Variants in SEMA3E observed in about 807,000 individuals in gnomAD.
SEMA3E encodes semaphorin 3E.
SEMA3E carries 49 observed loss-of-function variants against 93.6 expected under a neutral mutation model. That is an observed-to-expected ratio of 0.52 (90% CI 0.42 to 0.66). The LOEUF (loss-of-function observed/expected upper bound fraction) is 0.66, where lower values mean the gene tolerates loss of function less well. Among genes scored for constraint, SEMA3E ranks in the 30% least tolerant of loss-of-function variants. The pLI, the probability that SEMA3E is intolerant of heterozygous loss-of-function variation, is 0.00. For missense variants in SEMA3E, 906 were observed against 964.8 expected (o/e 0.94, Z 0.81); for synonymous variants, 363 against 330.7 (o/e 1.10, Z -1.06).
At chr7:83,510,395 C>T (rs1790793020) in intron 1 of SEMA3E, among the ~76,000 whole-genome samples, 1 of 152,200 alleles carries the variant, frequency 6.6e-6, no homozygotes, top group South Asian at 2.1e-4. Flanking sequence ...GTATTGTAAG[C>T]TTCTCATATT....
chr7:83,567,368 A>G (rs1792183305), intron 1 of SEMA3E, among the ~76,000 whole-genome samples: 1 of 152,158 alleles, frequency 6.6e-6, no homozygotes, highest in Admixed American at 6.5e-5. Context: ...AAAATTAACA[A>G]TTAACTTTGG....
chr7:83,388,163 G>T (rs1046500268), intron 14 of SEMA3E, among the ~76,000 whole-genome samples: 1 of 148,170 alleles, frequency 6.7e-6, no homozygotes, highest in Non-Finnish European at 1.5e-5. Context: ...ACAAAAATTA[G>T]TCGGGCGTGG....
At chr7:83,409,758 T>C (rs1268513203) in intron 5 of SEMA3E, among the ~76,000 whole-genome samples, 1 of 151,744 alleles carries the variant, frequency 6.6e-6, no homozygotes, top group Non-Finnish European at 1.5e-5. Context: ...ACTTTATTTA[T>C]AAATTTTATT....
rs1397876383 is a variant in SEMA3E, at chr7:83,644,344, C to T, written c.115+4084G>A. ...ATCAAGATAAATCATATGTTTTATG[C>T]GATTTAAGAGCAACTTTATCCTGTC... is the stretch of plus-strand genomic sequence containing the variant. On this transcript the variant is annotated intron_variant, in intron 1 of 16. Coordinates refer to ENST00000643230, the MANE Select transcript of SEMA3E (RefSeq NM_012431.3). Among the ~76,000 whole-genome samples the T allele has an allele frequency of 5.3e-5, 8 of 151,900 alleles. No homozygotes were observed. In the East Asian group the frequency reaches 9.7e-4, roughly 18 times the overall value.
At chr7:83,471,844 C>CA (rs952280766) in intron 2 of SEMA3E, among the ~76,000 whole-genome samples, 5 of 151,920 alleles carry the variant, frequency 3.3e-5, no homozygotes, top group African/African-American at 9.7e-5. Flanking sequence ...TTGAAGGGAG[C>CA]AAAAAATCAA....
rs553811801 is a variant in SEMA3E, at chr7:83,501,836, C to T, written c.116-11562G>A. On this transcript the variant is annotated intron_variant, in intron 1 of 16. Transcript: ENST00000643230. ...TAGTTAATAATCCATCTTATAACAA[C>T]AAAGAAGCAAATTAACTAAAACTGG... Among the ~76,000 whole-genome samples, 242 of 152,230 alleles carry T rather than the reference C, an allele frequency of 1.6e-3. 2 individuals are homozygous for T. Among genetic ancestry groups the T allele is most frequent in the African/African-American group, 5.7e-3 (236 of 41,538 alleles).
At chr7:83,407,631 A>G (rs894352739) in intron 6 of SEMA3E, among the ~76,000 whole-genome samples, 7 of 152,162 alleles carry the variant, frequency 4.6e-5, no homozygotes, top group African/African-American at 1.7e-4. Flanking sequence ...GTAACATATT[A>G]AAGTAAATAA....
At chr7:83,512,756 A>G (rs1790852191) in intron 1 of SEMA3E, among the ~76,000 whole-genome samples, 1 of 152,228 alleles carries the variant, frequency 6.6e-6, no homozygotes, top group Non-Finnish European at 1.5e-5. Context: ...GATACAACGT[A>G]TATACATTGT....
chr7:83,578,550 C>T (rs1455355109), intron 1 of SEMA3E, among the ~76,000 whole-genome samples: 1 of 151,802 alleles, frequency 6.6e-6, no homozygotes, highest in African/African-American at 2.4e-5. Context: ...AGTGAGACTC[C>T]GTCTCAACAA....
intron 1 of SEMA3E, among the ~76,000 whole-genome samples, chr7:83,546,211 T>G (rs1351407789): frequency 6.7e-6 from 1 of 149,574 alleles, no homozygotes; most frequent in African/African-American, 2.5e-5. Flanking sequence ...ACACCAATAT[T>G]TACAAATCTT....
chr7:83,518,888 A>T lies in SEMA3E; in HGVS notation c.116-28614T>A, dbSNP rs980575710. Among the ~76,000 whole-genome samples, 6 of 151,788 alleles carry T rather than the reference A, an allele frequency of 4.0e-5. 1 individual carries two copies. In the South Asian group the frequency reaches 1.3e-3, roughly 32 times the overall value. ...GTTTCCCCACTTCATAGCATAATGA[A>T]ACTCCTTACTGCAGTTCTTTGTTTT... On this transcript the variant is annotated intron_variant, in intron 1 of 16. Coordinates refer to ENST00000643230, the MANE Select transcript of SEMA3E (RefSeq NM_012431.3).
intron 4 of SEMA3E, among the ~76,000 whole-genome samples, chr7:83,420,636 A>ATAGAAAT (rs1488713883): frequency 6.6e-6 from 1 of 152,176 alleles, no homozygotes; most frequent in East Asian, 1.9e-4. Flanking sequence ...ACATAGACCA[A>ATAGAAAT]TGGAATGAAA....
intron 4 of SEMA3E, among the ~76,000 whole-genome samples, chr7:83,442,945 T>C (rs1005708021): frequency 1.3e-5 from 2 of 152,140 alleles, no homozygotes; most frequent in Admixed American, 1.3e-4. Context: ...TCCTTCTTAG[T>C]AGCTTGTGTC....
chr7:83,382,609 G>C (rs542565831), intron 16 of SEMA3E, among the ~76,000 whole-genome samples: 83 of 151,652 alleles, frequency 5.5e-4, no homozygotes, highest in African/African-American at 1.9e-3. Context: ...CATAATAATT[G>C]ATGCTATACA....
chr7:83,386,286 T>TA (rs1787879980), intron 15 of SEMA3E, among the ~76,000 whole-genome samples: 2 of 152,222 alleles, frequency 1.3e-5, no homozygotes, highest in South Asian at 4.1e-4. Context: ...GCTCTGCGTA[T>TA]AGCCACCGCT....
chr7:83,378,456 A>G (rs1787706312), intron 16 of SEMA3E, among the ~76,000 whole-genome samples: 1 of 151,790 alleles, frequency 6.6e-6, no homozygotes, highest in African/African-American at 2.4e-5. Context: ...ACAAAACAAA[A>G]TTTATTTCTA....
chr7:83,443,360 T>C (rs17157616), intron 4 of SEMA3E, among the ~76,000 whole-genome samples: 6,626 of 152,212 alleles, frequency 0.044, 203 homozygotes, highest in African/African-American at 0.082. Flanking sequence ...AAAGTAAAAG[T>C]GTCATCACAA....
At chr7:83,525,920 C>CT in intron 1 of SEMA3E, among the ~76,000 whole-genome samples, 2 of 150,714 alleles carry the variant, frequency 1.3e-5, no homozygotes, top group Non-Finnish European at 2.9e-5. Flanking sequence ...AGCTTGTCAA[C>CT]TGTAAGCTTT....
intron 1 of SEMA3E, among the ~76,000 whole-genome samples, chr7:83,627,917 G>A (rs1793704780): frequency 6.6e-6 from 1 of 152,038 alleles, no homozygotes. Flanking sequence ...AGTGTTGATG[G>A]TCTTTACATT....
Sources: allele counts gnomAD v4.1 joint callset (sites outside exome capture counted in the v4.1 genomes callset), GRCh38; gene constraint gnomAD v4.1.1; transcripts MANE v1.5; gene names NCBI Gene and HGNC (gene_info 2026-07-23, HGNC 2026-07-21).